SORCS3: variants seen among roughly 807,000 people sequenced by gnomAD.
The protein encoded by SORCS3 is VPS10 domain-containing receptor SorCS3.
Under a neutral mutation model 146.3 loss-of-function variants are expected in SORCS3, and 57 were observed. The observed-to-expected ratio is 0.39, with a 90% CI of 0.31 to 0.49. The LOEUF (loss-of-function observed/expected upper bound fraction) is 0.49, where lower values mean the gene tolerates loss of function less well. SORCS3 is among the 20% of genes least tolerant of loss of function. The probability of loss-of-function intolerance (pLI) is 0.92; values close to 1 mark genes in which losing one functional copy is unlikely to be tolerated. For missense variants in SORCS3, 1,341 were observed against 1,575.5 expected (o/e 0.85, Z 2.52); for synonymous variants, 653 against 618.5 (o/e 1.06, Z -0.83).
In SORCS3 at chr10:105,082,330, T is replaced by G. The variant is rs1456314205; in HGVS notation, c.1029-7445T>G. Among the ~76,000 whole-genome samples, 4 of 152,088 alleles carry G rather than the reference T, an allele frequency of 2.6e-5. No homozygotes were observed. The East Asian group carries it at 7.8e-4, about 30-fold the overall frequency. On this transcript the variant is annotated intron_variant, in intron 5 of 26. Coordinates refer to ENST00000369701, the MANE Select transcript of SORCS3 (RefSeq NM_014978.3). ...GAAAAACACTACCATTACTAGTTAC[T>G]TAACAAATGTAGAAGTATCAGTCGG...
chr10:104,958,680 A>G (rs989423195), intron 3 of SORCS3, among the ~76,000 whole-genome samples: 1 of 152,186 alleles, frequency 6.6e-6, no homozygotes, highest in Non-Finnish European at 1.5e-5. Flanking sequence ...TCCCAATATT[A>G]GTCTGTTTTC....
intron 3 of SORCS3, among the ~76,000 whole-genome samples, chr10:104,928,414 A>T (rs1267205019): frequency 6.6e-6 from 1 of 152,140 alleles, no homozygotes; most frequent in Non-Finnish European, 1.5e-5. Context: ...AGGCAGGATG[A>T]TGTGTTCTTC....
At chr10:105,208,329 A>G (rs187785778) in intron 16 of SORCS3, among the ~76,000 whole-genome samples, 231 of 150,580 alleles carry the variant, frequency 1.5e-3, no homozygotes, top group African/African-American at 5.5e-3. Flanking sequence ...TGACAGAGTG[A>G]GACTCTGTCT....
intron 4 of SORCS3, among the ~76,000 whole-genome samples, chr10:105,024,705 A>G (rs1249280585): frequency 6.6e-6 from 1 of 152,198 alleles, no homozygotes; most frequent in East Asian, 1.9e-4. Flanking sequence ...TTTCCACTTC[A>G]GGCATCATCC....
At chr10:104,689,515 G>A (rs79192933) in intron 1 of SORCS3, among the ~76,000 whole-genome samples, 2 of 151,984 alleles carry the variant, frequency 1.3e-5, no homozygotes, top group African/African-American at 4.8e-5. Context: ...GTTCTACTTG[G>A]GACACTTTCA....
chr10:105,081,605 G>T (rs545080756), intron 5 of SORCS3, among the ~76,000 whole-genome samples: 159 of 152,294 alleles, frequency 1.0e-3, no homozygotes, highest in Non-Finnish European at 1.8e-3. Flanking sequence ...TGCACAAAGG[G>T]TTAAGTTGCT....
At chr10:104,893,150 A>C (rs1342469754) in intron 2 of SORCS3, among the ~76,000 whole-genome samples, 1 of 152,094 alleles carries the variant, frequency 6.6e-6, no homozygotes, top group Non-Finnish European at 1.5e-5. Context: ...CTCCCACTCT[A>C]GATTGTGAGC....
intron 5 of SORCS3, among the ~76,000 whole-genome samples, chr10:105,071,850 G>A (rs994902584): frequency 6.6e-6 from 1 of 152,188 alleles, no homozygotes; most frequent in Admixed American, 6.5e-5. Context: ...TTAAGTTTGT[G>A]TAATTTTTCC....
intron 14 of SORCS3, among the ~76,000 whole-genome samples, chr10:105,185,410 C>T (rs1047962857): frequency 6.6e-6 from 1 of 152,150 alleles, no homozygotes; most frequent in Non-Finnish European, 1.5e-5. Context: ...TGGCAACTGC[C>T]CACTTCGGAC....
Position 105,206,824 on chromosome 10 carries a change from A to G in SORCS3, c.2262-4313A>G, listed in dbSNP as rs1367484133. Reference sequence around the variant, plus strand: ...AGTGCTCACTCCATGCCTACCAAGAACCTCTATTTGCCTAATCCCAAACCT... The same window carrying G: ...AGTGCTCACTCCATGCCTACCAAGAGCCTCTATTTGCCTAATCCCAAACCT... On this transcript the variant is annotated intron_variant, in intron 16 of 26. Transcript: ENST00000369701. 2.6e-5 allele frequency among the ~76,000 whole-genome samples: 4 copies of G among 152,048 alleles called. No individual in the cohort carries two copies. The East Asian group carries it at 7.7e-4, about 29-fold the overall frequency.
At chr10:105,234,105 T>G (rs1442625549) in intron 20 of SORCS3, among the ~76,000 whole-genome samples, 3 of 152,170 alleles carry the variant, frequency 2.0e-5, no homozygotes, top group African/African-American at 7.2e-5. Flanking sequence ...TGAGAAAACA[T>G]TCTTTTCTTC....
intron 3 of SORCS3, among the ~76,000 whole-genome samples, chr10:104,916,410 G>C (rs528157633): frequency 1.3e-5 from 2 of 152,276 alleles, no homozygotes; most frequent in Non-Finnish European, 2.9e-5. Flanking sequence ...CCACGTGAAG[G>C]AAAGAAAGGC....
chr10:104,730,118 T>C (rs1030057389), intron 1 of SORCS3, among the ~76,000 whole-genome samples: 3 of 152,250 alleles, frequency 2.0e-5, no homozygotes, highest in African/African-American at 7.2e-5. Context: ...TTCATGTTAA[T>C]TGAAGGTTTG....
chr10:105,096,705 GA>G (rs1205851615), intron 6 of SORCS3, among the ~76,000 whole-genome samples: 1 of 152,164 alleles, frequency 6.6e-6, no homozygotes, highest in African/African-American at 2.4e-5. Flanking sequence ...AGGGATGGTA[GA>G]AATGGGGTGT....
chr10:105,052,478 A>G (rs915461042), intron 5 of SORCS3, among the ~76,000 whole-genome samples: 3 of 152,172 alleles, frequency 2.0e-5, no homozygotes, highest in Admixed American at 6.5e-5. Flanking sequence ...TCACTCACTG[A>G]TAATAAACTT....
At chr10:104,784,228 G>T (rs534858337) in intron 1 of SORCS3, among the ~76,000 whole-genome samples, 21 of 152,312 alleles carry the variant, frequency 1.4e-4, no homozygotes, top group African/African-American at 4.1e-4. Flanking sequence ...TCCCCCAGGG[G>T]ACTTTTGGCA....
intron 1 of SORCS3, among the ~76,000 whole-genome samples, chr10:104,755,200 A>G (rs1179038048): frequency 6.6e-6 from 1 of 152,214 alleles, no homozygotes; most frequent in African/African-American, 2.4e-5. Context: ...CTGACCAATG[A>G]TTTGGTACAT....
intron 7 of SORCS3, among the ~76,000 whole-genome samples, chr10:105,113,595 T>A (rs1038485786): frequency 1.6e-4 from 25 of 152,276 alleles, no homozygotes; most frequent in African/African-American, 5.8e-4. Context: ...CCCACACAGC[T>A]CCTACTATTT....
intron 13 of SORCS3, among the ~76,000 whole-genome samples, chr10:105,167,940 A>G (rs1403277692): frequency 6.6e-6 from 1 of 152,136 alleles, no homozygotes; most frequent in Non-Finnish European, 1.5e-5. Flanking sequence ...TTCAGATGGC[A>G]GGAAGAAATT....
Sources: allele counts gnomAD v4.1 joint callset (sites outside exome capture counted in the v4.1 genomes callset), GRCh38; gene constraint gnomAD v4.1.1; transcripts MANE v1.5; gene names NCBI Gene and HGNC (gene_info 2026-07-23, HGNC 2026-07-21).